SLC35B4: variants seen among roughly 807,000 people sequenced by gnomAD.
The protein encoded by SLC35B4 is nucleotide sugar transporter SLC35B4.
A neutral mutation model predicts 39.5 loss-of-function variants in SLC35B4; 28 were observed. The ratio of observed to expected loss-of-function variants is 0.71; its 90% confidence interval spans 0.53 to 0.97. SLC35B4 has a LOEUF of 0.97. Ranked by LOEUF, SLC35B4 falls within the 50% of genes least tolerant of loss-of-function variation. The pLI is 0.00. For missense variants in SLC35B4, 334 were observed against 414.3 expected, an observed-to-expected ratio of 0.81 and a Z score of 1.68; for synonymous variants, 145 against 150.4, an observed-to-expected ratio of 0.96 and a Z score of 0.26.
chr7:134,314,739 T>C lies in SLC35B4; in HGVS notation c.77+1936A>G, dbSNP rs542537946. ...TTAGTAGAGACGGGGTCTTACCATA[T>C]TGGCCAGGCTGGTCTTGAACCCCTG... On this transcript the variant is annotated intron_variant, in intron 1 of 9. Coordinates refer to ENST00000378509, the MANE Select transcript of SLC35B4 (RefSeq NM_032826.5). 1.5e-4 allele frequency among the ~76,000 whole-genome samples: 23 copies of C among 152,232 alleles called. No individual in the cohort carries two copies. In the East Asian group the frequency reaches 4.2e-3, roughly 28 times the overall value.
In SLC35B4 at chr7:134,302,117, A is replaced by G; in HGVS notation, c.345-7T>C. Reference sequence around the variant, plus strand: ...ATATTTGAATATACTGTATCTGCAAAAAAGAAAAAAAAGAAGAAAAACACC... The same window carrying G: ...ATATTTGAATATACTGTATCTGCAAGAAAGAAAAAAAAGAAGAAAAACACC... On this transcript the variant is annotated splice_polypyrimidine_tract_variant and splice_region_variant and intron_variant, in intron 4 of 9. Coordinates refer to ENST00000378509, the MANE Select transcript of SLC35B4 (RefSeq NM_032826.5). The G allele has an allele frequency of 6.2e-7, 1 of 1,600,530 alleles. No individual in the cohort carries two copies. Among genetic ancestry groups the G allele is most frequent in the Non-Finnish European group, 8.5e-7 (1 of 1,175,088 alleles).
intron 1 of SLC35B4, among the ~76,000 whole-genome samples, chr7:134,309,789 T>C (rs191303677): frequency 4.3e-4 from 66 of 152,364 alleles, no homozygotes; most frequent in African/African-American, 1.5e-3. Flanking sequence ...ATTGGTCATA[T>C]GTTCTTATTG....
At chr7:134,298,365 T>G (rs1005430507) in intron 8 of SLC35B4, among the ~76,000 whole-genome samples, 1 of 152,212 alleles carries the variant, frequency 6.6e-6, no homozygotes, top group Non-Finnish European at 1.5e-5. Context: ...TTAGCTCTCT[T>G]GGAAAATTCA....
intron 2 of SLC35B4, among the ~76,000 whole-genome samples, chr7:134,308,381 G>C (rs1475064374): frequency 6.6e-6 from 1 of 152,184 alleles, no homozygotes; most frequent in East Asian, 1.9e-4. Context: ...GAAGAGGCAG[G>C]AAAGGGCCAG....
In SLC35B4 at chr7:134,291,635, A is replaced by T. The variant is rs1803331180; in HGVS notation, c.*3198T>A. On this transcript the variant is annotated 3_prime_UTR_variant, in exon 10 of 10. Transcript: ENST00000378509. ...TTCATGGTCTTCCTCCGTAGCACTG[A>T]CCAAATCAAAATACTGCAGCGTTTC... The T allele has an allele frequency of 6.6e-6, 1 of 152,226 alleles. No homozygotes were observed. The highest frequency in any genetic ancestry group is 1.5e-5 in the Non-Finnish European group (1 of 68,036). 9.4% of individuals were successfully genotyped at this position (152,226 alleles called of 1,614,324 possible).
At chr7:134,305,068 TC>T (rs1803674563) in intron 3 of SLC35B4, among the ~76,000 whole-genome samples, 1 of 152,154 alleles carries the variant, frequency 6.6e-6, no homozygotes, top group African/African-American at 2.4e-5. Context: ...ACGCCCGTAA[TC>T]CCAGCACTTT....
chr7:134,291,677 T>C lies in SLC35B4; in HGVS notation c.*3156A>G. 1 of 152,156 alleles carries C rather than the reference T, an allele frequency of 6.6e-6. No homozygotes were observed. The highest frequency in any genetic ancestry group is 1.5e-5 in the Non-Finnish European group (1 of 68,014). The allele number at this position is 152,156 out of a possible 1,614,324, so 9.4% of individuals were successfully genotyped here. On this transcript the variant is annotated 3_prime_UTR_variant, in exon 10 of 10. Coordinates refer to ENST00000378509, the MANE Select transcript of SLC35B4 (RefSeq NM_032826.5). ...CAGCGTTTCACTGTGGTTAACAGGA[T>C]GGAAAGGAGGAAAAAACTAAAAACA...
At chr7:134,315,138 T>C (rs1803943374) in intron 1 of SLC35B4, among the ~76,000 whole-genome samples, 1 of 152,186 alleles carries the variant, frequency 6.6e-6, no homozygotes, top group African/African-American at 2.4e-5. Flanking sequence ...CCAAAATCTA[T>C]GGGCTGCTCA....
In SLC35B4 at chr7:134,292,869, G is replaced by A. The variant is rs1425586542; in HGVS notation, c.*1964C>T. On this transcript the variant is annotated 3_prime_UTR_variant, in exon 10 of 10. Coordinates refer to ENST00000378509, the MANE Select transcript of SLC35B4 (RefSeq NM_032826.5). ...TTACTGGCTCTAGAAAGCTGTCAAT[G>A]TCCAGAGCAACACATTATTACTCTG... 6.6e-6 allele frequency: 1 copy of A among 152,180 alleles called. No homozygotes were observed. The highest frequency in any genetic ancestry group is 1.5e-5 in the Non-Finnish European group (1 of 68,028). The allele number at this position is 152,180 out of a possible 1,614,324, so 9.4% of individuals were successfully genotyped here. A position where few individuals can be genotyped will look rare whatever the true frequency, so the allele number is the denominator to read the frequency against.
chr7:134,316,604 G>C, intron 1 of SLC35B4, 71 bp downstream of exon 1: 2 of 1,483,006 alleles, frequency 1.3e-6, no homozygotes, highest in African/African-American at 2.8e-5. Flanking sequence ...GGCGCGTCCC[G>C]GGGGGACCTC....
chr7:134,315,642 C>CAAAAAAAAAA (rs376704817), intron 1 of SLC35B4, among the ~76,000 whole-genome samples: 9 of 99,928 alleles, frequency 9.0e-5, no homozygotes, highest in Admixed American at 1.1e-4. Context: ...CTCCCAAATC[C>CAAAAAAAAAA]AAAAAAAAAA....
chr7:134,316,343 G>C (rs1803976144), intron 1 of SLC35B4, among the ~76,000 whole-genome samples: 1 of 152,184 alleles, frequency 6.6e-6, no homozygotes, highest in African/African-American at 2.4e-5. Flanking sequence ...GCCGACCTTG[G>C]ACTGGTCATG....
chr7:134,309,505 G>C (rs546391571), intron 1 of SLC35B4, 26 bp from the exon 2 acceptor site: 1 of 1,533,310 alleles, frequency 6.5e-7, no homozygotes, highest in Admixed American at 1.7e-5. Flanking sequence ...TAAAAGAGGG[G>C]GTGAAGGCAC....
At chr7:134,295,355 T>C (rs956018910) in intron 9 of SLC35B4, among the ~76,000 whole-genome samples, 1 of 151,990 alleles carries the variant, frequency 6.6e-6, no homozygotes, top group Non-Finnish European at 1.5e-5. Flanking sequence ...TCCAAGATAA[T>C]GACAGAGGGT....
chr7:134,300,484 A>G (rs1313479551), intron 6 of SLC35B4, among the ~76,000 whole-genome samples: 1 of 152,162 alleles, frequency 6.6e-6, no homozygotes, highest in Non-Finnish European at 1.5e-5. Flanking sequence ...ACACTAAGAC[A>G]GGATCAGATT....
rs1007427105 is a variant in SLC35B4 at position 134,293,071 on chromosome 7, G to C, written c.*1762C>G. The C allele has an allele frequency of 6.6e-6, 1 of 152,138 alleles. No individual in the cohort carries two copies. Among genetic ancestry groups the C allele is most frequent in the Non-Finnish European group, 1.5e-5 (1 of 68,090 alleles). 9.4% of individuals were successfully genotyped at this position (152,138 alleles called of 1,614,324 possible). ...AGTGGAATAAACATACCACACCATG[G>C]AATGAGCCCAGGAGACCTGCAGAGC... On this transcript the variant is annotated 3_prime_UTR_variant, in exon 10 of 10. Coordinates refer to ENST00000378509, the MANE Select transcript of SLC35B4 (RefSeq NM_032826.5).
At position 134,291,861 on chromosome 7, in the gene SLC35B4, G is replaced by A. The variant is rs1330269320; in HGVS notation, c.*2972C>T. On this transcript the variant is annotated 3_prime_UTR_variant, in exon 10 of 10. Transcript: ENST00000378509. The stretch of plus-strand genomic sequence containing the variant: ...GTTTCTAATATGACAATAGAGTTTT[G>A]GCCAAAGATATGTAGACATTAAGCT... 1.3e-5 allele frequency: 2 copies of A among 152,124 alleles called. No homozygotes were observed. Among genetic ancestry groups the A allele is most frequent in the African/African-American group, 2.4e-5 (1 of 41,414 alleles). 9.4% of individuals were successfully genotyped at this position (152,124 alleles called of 1,614,324 possible).
At position 134,295,020 on chromosome 7, in the gene SLC35B4, G is replaced by C. The variant is rs766546718; in HGVS notation, c.809C>G (p.Thr270Arg). ...LTTECASLTV[T>R]LVVTLRKFVS... ...AAATTTGCGTAGGGTCACGACGAGCGTGACGGTGAGGGAGGCGCATTCTGT... is the reference window on the plus strand; with the variant it reads ...AAATTTGCGTAGGGTCACGACGAGCCTGACGGTGAGGGAGGCGCATTCTGT... Residue 270 changes from threonine (T) to arginine (R), a missense_variant, in exon 10 of 10, where the codon ACG becomes AGG. Thr to Arg is a moderately conservative substitution (Grantham distance 71). Coordinates refer to ENST00000378509, the MANE Select transcript of SLC35B4 (RefSeq NM_032826.5). The C allele has an allele frequency of 6.2e-7, 1 of 1,614,104 alleles. No individual in the cohort carries two copies. Among genetic ancestry groups the C allele is most frequent in the Non-Finnish European group, 8.5e-7 (1 of 1,180,042 alleles).
At chr7:134,317,064 G>A (rs1440056047), upstream of SLC35B4, 4 of 350,508 alleles carry the variant, frequency 1.1e-5, no homozygotes, top group East Asian at 5.5e-5. Context: ...AGGCAGCTCC[G>A]CCAGAGAGGA....
Sources: gnomAD v4.1 joint callset for allele counts (sites outside exome capture counted in the v4.1 genomes callset) on GRCh38, gnomAD v4.1.1 for gene constraint, MANE v1.5 for transcripts, NCBI Gene and HGNC (gene_info 2026-07-23, HGNC 2026-07-21) for gene names.